Variants in FNDC3A observed in about 807,000 individuals in gnomAD.
FNDC3A encodes the protein fibronectin type III domain containing 3A.
Under a neutral mutation model 148.9 loss-of-function variants are expected in FNDC3A, and 32 were observed. That is an observed-to-expected ratio of 0.21 (90% CI 0.16 to 0.29). FNDC3A has a LOEUF of 0.29. Among genes scored for constraint, FNDC3A ranks in the 10% least tolerant of loss-of-function variants. The pLI, the probability that FNDC3A is intolerant of heterozygous loss-of-function variation, is 1.00. For synonymous variants in FNDC3A, 472 were observed against 473.6 expected, an observed-to-expected ratio of 1.00 and a Z score of 0.04; for missense variants, 1,191 against 1,452.8, an observed-to-expected ratio of 0.82 and a Z score of 2.93.
intron 19 of FNDC3A, among the ~76,000 whole-genome samples, chr13:49,192,002 G>C: frequency 6.6e-6 from 1 of 152,274 alleles, no homozygotes; most frequent in Middle Eastern, 3.4e-3. Context: ...AAACTAATAA[G>C]TGATAGAGGT....
intron 1 of FNDC3A, among the ~76,000 whole-genome samples, chr13:48,983,436 A>C (rs1951731126): frequency 6.6e-6 from 1 of 152,188 alleles, no homozygotes; most frequent in Non-Finnish European, 1.5e-5. Flanking sequence ...TATTTTAGGC[A>C]TTGTGGACCA....
intron 9 of FNDC3A, 142 bp downstream of exon 9, chr13:49,167,445 G>T: frequency 3.6e-6 from 2 of 554,664 alleles, no homozygotes; most frequent in Non-Finnish European, 6.2e-6. Context: ...GGCGCAGTGC[G>T]CCCGTAATCC....
intron 2 of FNDC3A, among the ~76,000 whole-genome samples, chr13:49,019,354 G>T (rs1288622952): frequency 1.3e-5 from 2 of 152,218 alleles, no homozygotes; most frequent in Non-Finnish European, 2.9e-5. Flanking sequence ...GGGTGGGAGT[G>T]ACCCAATTTT....
chr13:49,173,876 T>C (rs1236411885), intron 11 of FNDC3A, among the ~76,000 whole-genome samples: 1 of 152,208 alleles, frequency 6.6e-6, no homozygotes, highest in Non-Finnish European at 1.5e-5. Context: ...TAAAACTCTT[T>C]AGTTGTCCTC....
At chr13:49,107,574 G>A (rs890969683) in intron 3 of FNDC3A, among the ~76,000 whole-genome samples, 6 of 152,154 alleles carry the variant, frequency 3.9e-5, no homozygotes, top group African/African-American at 1.2e-4. Context: ...AAGGAACAAT[G>A]CTTCTTCTGC....
At chr13:49,199,152 C>G (rs1886302047) in intron 23 of FNDC3A, among the ~76,000 whole-genome samples, 1 of 151,962 alleles carries the variant, frequency 6.6e-6, no homozygotes, top group Non-Finnish European at 1.5e-5. Context: ...CCCCAAGTAT[C>G]TGTGACCACA....
At chr13:48,976,433 A>T (rs1001246124) in intron 1 of FNDC3A, among the ~76,000 whole-genome samples, 1 of 152,198 alleles carries the variant, frequency 6.6e-6, no homozygotes, top group Non-Finnish European at 1.5e-5. Flanking sequence ...GAGCCTAGCC[A>T]GGACACGCTT....
chr13:49,203,161 C>T lies in FNDC3A; in HGVS notation c.3159C>T (p.Pro1053=), dbSNP rs772107570. 2.2e-5 allele frequency: 35 copies of T among 1,596,354 alleles called. No homozygotes were observed. Among genetic ancestry groups the T allele is most frequent in the Middle Eastern group, 3.3e-4 (2 of 6,038 alleles). ...ATTTATATTTGTTTCCTACAGCCCCCAAAATAGAGAAAGTAAATGATCACA... is the reference window on the plus strand; with the variant it reads ...ATTTATATTTGTTTCCTACAGCCCCTAAAATAGAGAAAGTAAATGATCACA... ...PKSVPAALKA[P]KIEKVNDHIC... is the part of the protein sequence containing the mutation. Residue 1053 remains proline (P), a synonymous_variant, in exon 25 of 26, where the codon CCC becomes CCT. Coordinates refer to ENST00000492622, the MANE Select transcript of FNDC3A (RefSeq NM_001079673.2).
chr13:49,188,490 T>C (rs555747275), intron 16 of FNDC3A, 25 bp from the exon 17 acceptor site: 25 of 1,436,464 alleles, frequency 1.7e-5, no homozygotes, highest in South Asian at 6.9e-5. Flanking sequence ...TAGTATCTGA[T>C]TGAACACAAT....
intron 2 of FNDC3A, chr13:49,045,034 TC>T (rs1875254293): frequency 9.1e-6 from 2 of 220,792 alleles, no homozygotes; most frequent in Non-Finnish European, 9.0e-6. Flanking sequence ...CCTTTCCCTT[TC>T]CTTTCCCTTT....
intron 4 of FNDC3A, among the ~76,000 whole-genome samples, chr13:49,117,132 T>G (rs966824530): frequency 6.6e-6 from 1 of 152,176 alleles, no homozygotes; most frequent in South Asian, 2.1e-4. Flanking sequence ...TAGTAGGAGC[T>G]CAGTAAATAT....
At chr13:49,187,604 G>A (rs1204723696) in intron 16 of FNDC3A, 18 of 1,607,088 alleles carry the variant, frequency 1.1e-5, no homozygotes, top group Non-Finnish European at 1.5e-5. Context: ...TTCTTCCCAG[G>A]GCCCTCCTCA....
rs538130168 is a variant in FNDC3A at position 49,031,883 on chromosome 13, A to C, written c.99+25594A>C. Among the ~76,000 whole-genome samples the C allele has an allele frequency of 2.0e-5, 3 of 152,314 alleles. No homozygotes were observed. The East Asian group carries it at 5.8e-4, about 29-fold the overall frequency. ...GGAAAAAATCCATAAAATTGGAGAA[A>C]ATATCTGCAAACTGTATCTGATAAG... On this transcript the variant is annotated intron_variant, in intron 2 of 25. Coordinates refer to ENST00000492622, the MANE Select transcript of FNDC3A (RefSeq NM_001079673.2).
intron 13 of FNDC3A, 72 bp downstream of exon 13, chr13:49,175,613 G>T (rs1020835550): frequency 9.0e-6 from 9 of 997,144 alleles, no homozygotes; most frequent in Non-Finnish European, 1.3e-5. Context: ...GGGCTGAGAC[G>T]ATGGCATTTT....
At chr13:49,184,973 A>G (rs1200026469) in intron 14 of FNDC3A, among the ~76,000 whole-genome samples, 3 of 151,032 alleles carry the variant, frequency 2.0e-5, no homozygotes, top group Admixed American at 2.0e-4. Context: ...CAGCATGGAG[A>G]GGTTTGAGGG....
At chr13:49,138,345 G>C (rs1003633198) in intron 6 of FNDC3A, among the ~76,000 whole-genome samples, 2 of 152,054 alleles carry the variant, frequency 1.3e-5, no homozygotes, top group East Asian at 3.9e-4. Context: ...TTCTAATTTG[G>C]GAAACCATAA....
intron 8 of FNDC3A, among the ~76,000 whole-genome samples, chr13:49,164,266 A>C (rs1034547761): frequency 6.6e-6 from 1 of 152,196 alleles, no homozygotes; most frequent in Non-Finnish European, 1.5e-5. Context: ...TAGTCTGATA[A>C]GAGTTCTCTT....
chr13:49,185,792 A>T (rs1189303753), intron 14 of FNDC3A, among the ~76,000 whole-genome samples, 172 bp from the exon 15 acceptor site: 1 of 152,358 alleles, frequency 6.6e-6, no homozygotes, highest in Middle Eastern at 3.4e-3. Context: ...CTCTTCATAT[A>T]TGCCAAGTAT....
intron 3 of FNDC3A, among the ~76,000 whole-genome samples, chr13:49,081,531 C>T (rs1010035512): frequency 8.6e-5 from 13 of 151,964 alleles, no homozygotes; most frequent in South Asian, 2.1e-4. Flanking sequence ...AGTGTGTGTC[C>T]GTGTGTATAC....
Sources: allele counts gnomAD v4.1 joint callset (sites outside exome capture counted in the v4.1 genomes callset), GRCh38; gene constraint gnomAD v4.1.1; transcripts MANE v1.5; gene names NCBI Gene and HGNC (gene_info 2026-07-23, HGNC 2026-07-21).